The following DPP10 variants were observed in gnomAD, a reference collection of about 807,000 sequenced individuals.
The protein encoded by DPP10 is inactive dipeptidyl peptidase 10.
DPP10 carries 33 observed loss-of-function variants against 120.9 expected under a neutral mutation model. The observed-to-expected ratio is 0.27, with a 90% CI of 0.21 to 0.37. The LOEUF (loss-of-function observed/expected upper bound fraction) is 0.37. DPP10 is among the 10% of genes least tolerant of loss of function. DPP10 has a pLI of 1.00. For missense variants in DPP10, 816 were observed against 942.8 expected (o/e 0.87, Z 1.76); for synonymous variants, 337 against 326.1 (o/e 1.03, Z -0.36).
chr2:114,733,881 G>A (rs1677166754), intron 1 of DPP10, among the ~76,000 whole-genome samples: 1 of 152,172 alleles, frequency 6.6e-6, no homozygotes, highest in South Asian at 2.1e-4. Context: ...TTGTGGTACA[G>A]CAGTTTAGGA....
At chr2:115,660,104 T>C (rs2149404390) in intron 5 of DPP10, among the ~76,000 whole-genome samples, 1 of 152,330 alleles carries the variant, frequency 6.6e-6, no homozygotes, top group Admixed American at 6.5e-5. Context: ...TTTTCATGTG[T>C]TATTTTCCAT....
chr2:115,633,563 T>C (rs1336577087), intron 5 of DPP10, among the ~76,000 whole-genome samples: 1 of 152,084 alleles, frequency 6.6e-6, no homozygotes, highest in African/African-American at 2.4e-5. Context: ...ACATGTACCC[T>C]AGAACTTAAA....
chr2:114,695,443 A>G (rs971830303), intron 1 of DPP10, among the ~76,000 whole-genome samples: 1 of 152,058 alleles, frequency 6.6e-6, no homozygotes, highest in Non-Finnish European at 1.5e-5. Flanking sequence ...CATATCATCG[A>G]TTCCTCTGGA....
intron 5 of DPP10, among the ~76,000 whole-genome samples, chr2:115,647,304 A>G (rs1327632577): frequency 1.3e-5 from 2 of 152,182 alleles, no homozygotes; most frequent in African/African-American, 2.4e-5. Context: ...TGCAGTAGGC[A>G]GTTGAAGTTG....
intron 5 of DPP10, among the ~76,000 whole-genome samples, chr2:115,678,089 T>G (rs557274245): frequency 6.6e-6 from 1 of 152,232 alleles, no homozygotes; most frequent in African/African-American, 2.4e-5. Flanking sequence ...CATAAAACTT[T>G]AGAAAATTTT....
rs1389873581 is a variant in DPP10 at position 114,495,475 on chromosome 2, C to T, written c.60+52637C>T. ...GCACTTTAAAACATGGAGTCTTTCT[C>T]CATTATTGTATTTCTTTCTGTATTT... is the stretch of plus-strand genomic sequence containing the variant. On this transcript the variant is annotated intron_variant, in intron 1 of 25. Coordinates refer to ENST00000410059, the MANE Select transcript of DPP10 (RefSeq NM_020868.6). Among the ~76,000 whole-genome samples the T allele has an allele frequency of 4.6e-5, 7 of 152,090 alleles. No individual in the cohort carries two copies. The East Asian group carries it at 1.3e-3, about 29-fold the overall frequency.
chr2:114,912,035 G>A (rs1174963784), intron 1 of DPP10, among the ~76,000 whole-genome samples: 1 of 152,122 alleles, frequency 6.6e-6, no homozygotes, highest in African/African-American at 2.4e-5. Context: ...GTAAGATTTG[G>A]AAGTTAAATT....
chr2:115,417,671 T>C (rs1217052168), intron 3 of DPP10, among the ~76,000 whole-genome samples: 1 of 152,272 alleles, frequency 6.6e-6, no homozygotes, highest in Non-Finnish European at 1.5e-5. Context: ...AAAGCCTAGA[T>C]CAATCTAGAT....
intron 1 of DPP10, among the ~76,000 whole-genome samples, chr2:114,630,035 A>AGGG (rs1694806057): frequency 1.3e-5 from 2 of 152,184 alleles, no homozygotes; most frequent in South Asian, 4.1e-4. Context: ...ATGTGTACAT[A>AGGG]TATACAAATA....
In DPP10 at chr2:115,826,886, C is replaced by T. The variant is rs183566324; in HGVS notation, c.1951-9271C>T. 8.5e-5 allele frequency among the ~76,000 whole-genome samples: 13 copies of T among 152,182 alleles called. No individual in the cohort carries two copies. In the East Asian group the frequency reaches 2.5e-3, roughly 29 times the overall value. ...ATATTTAAAGTATGTTTCTTATAGG[C>T]TGCAAAGAGTTGGGTCTTGCTTTTT... On this transcript the variant is annotated intron_variant, in intron 21 of 25. Transcript: ENST00000410059.
At chr2:114,616,849 C>G (rs2105311579) in intron 1 of DPP10, among the ~76,000 whole-genome samples, 1 of 152,122 alleles carries the variant, frequency 6.6e-6, no homozygotes, top group East Asian at 1.9e-4. Context: ...TACCTTAGTA[C>G]AGTGAGTCAC....
intron 5 of DPP10, among the ~76,000 whole-genome samples, chr2:115,677,226 C>T (rs2090334109): frequency 6.6e-6 from 1 of 151,974 alleles, no homozygotes; most frequent in East Asian, 1.9e-4. Context: ...GCAATCTCTA[C>T]CATTATAAAA....
At chr2:115,200,864 T>C (rs2055655389) in intron 1 of DPP10, among the ~76,000 whole-genome samples, 1 of 152,186 alleles carries the variant, frequency 6.6e-6, no homozygotes, top group Admixed American at 6.5e-5. Context: ...GCTTAACATA[T>C]TTGCAGTTCC....
At chr2:114,811,118 A>G (rs1057499848) in intron 1 of DPP10, among the ~76,000 whole-genome samples, 1 of 152,172 alleles carries the variant, frequency 6.6e-6, no homozygotes, top group African/African-American at 2.4e-5. Context: ...GTAAACTTTC[A>G]CAGGACAGGA....
intron 1 of DPP10, among the ~76,000 whole-genome samples, chr2:114,821,984 T>A (rs1686127836): frequency 1.3e-5 from 2 of 152,192 alleles, no homozygotes; most frequent in Middle Eastern, 3.4e-3. Context: ...TGTTAGTGAA[T>A]CTACAATTCT....
intron 1 of DPP10, among the ~76,000 whole-genome samples, chr2:114,739,267 TA>T (rs1677783858): frequency 6.6e-6 from 1 of 152,152 alleles, no homozygotes; most frequent in Non-Finnish European, 1.5e-5. Flanking sequence ...CACCTATCCA[TA>T]AGCCCTCTTA....
At chr2:114,997,326 G>GA (rs11458569) in intron 1 of DPP10, among the ~76,000 whole-genome samples, 75,474 of 135,764 alleles carry the variant, frequency 0.56, 21,211 homozygotes, top group East Asian at 0.63. Flanking sequence ...CGTCTCTACT[G>GA]AAAAAAAAAA....
rs148256842 is a variant in DPP10, at chr2:115,216,280, G to T, written c.61-92959G>T. On this transcript the variant is annotated intron_variant, in intron 1 of 25. Transcript: ENST00000410059. ...CGATGTAACCCGGTAACAAAACTGC[G>T]CTGGCACACCCTGAATCTATAACAG... Among the ~76,000 whole-genome samples the T allele has an allele frequency of 2.0e-5, 3 of 152,038 alleles. No homozygotes were observed. In the South Asian group the frequency reaches 6.2e-4, roughly 32 times the overall value.
rs541011971 is a variant in DPP10, at chr2:115,601,820, C to T, written c.441+75848C>T. ...TCCCAGGTAGCTGGTATTGCAGGTACGCACAACCATGCCTGGCTATTTTTT... is the reference window on the plus strand; with the variant it reads ...TCCCAGGTAGCTGGTATTGCAGGTATGCACAACCATGCCTGGCTATTTTTT... On this transcript the variant is annotated intron_variant, in intron 5 of 25. Transcript: ENST00000410059. Among the ~76,000 whole-genome samples the T allele has an allele frequency of 1.1e-4, 17 of 150,650 alleles. No individual in the cohort carries two copies. In the East Asian group the frequency reaches 2.2e-3, roughly 19 times the overall value.
Sources: gnomAD v4.1 joint callset for allele counts (sites outside exome capture counted in the v4.1 genomes callset) on GRCh38, gnomAD v4.1.1 for gene constraint, MANE v1.5 for transcripts, NCBI Gene and HGNC (gene_info 2026-07-23, HGNC 2026-07-21) for gene names.